The following DLG2 variants were observed in gnomAD, a reference collection of about 807,000 sequenced individuals.
DLG2 encodes discs large MAGUK scaffold protein 2.
Under a neutral mutation model 132.5 loss-of-function variants are expected in DLG2, and 45 were observed. The observed-to-expected ratio is 0.34, with a 90% confidence interval of 0.27 to 0.44. The LOEUF is 0.44. Ranked by LOEUF, DLG2 falls within the 20% of genes least tolerant of loss-of-function variation. DLG2 has a pLI of 1.00. For synonymous variants in DLG2, 424 were observed against 419.6 expected (o/e 1.01, Z -0.13); for missense variants, 1,045 against 1,196.9 (o/e 0.87, Z 1.87).
At chr11:85,051,797 AAAAGT>A (rs1373092386) in intron 6 of DLG2, among the ~76,000 whole-genome samples, 10 of 152,134 alleles carry the variant, frequency 6.6e-5, no homozygotes, top group African/African-American at 2.4e-4. Context: ...AGGGTGTGGT[AAAAGT>A]AAAGTATAAA....
At chr11:83,816,439 T>C (rs972525688) in intron 17 of DLG2, among the ~76,000 whole-genome samples, 2 of 152,168 alleles carry the variant, frequency 1.3e-5, no homozygotes, top group Non-Finnish European at 2.9e-5. Context: ...AGGATTTGTG[T>C]CAATATTTTG....
intron 6 of DLG2, among the ~76,000 whole-genome samples, chr11:85,034,970 T>C (rs1336127363): frequency 6.6e-6 from 1 of 152,178 alleles, no homozygotes; most frequent in Non-Finnish European, 1.5e-5. Flanking sequence ...TCAACCTCAA[T>C]GCACCAGCCA....
At chr11:83,805,643 C>T (rs2045708092) in intron 17 of DLG2, among the ~76,000 whole-genome samples, 1 of 152,078 alleles carries the variant, frequency 6.6e-6, no homozygotes, top group East Asian at 1.9e-4. Flanking sequence ...AACCACTCTA[C>T]TTTTCTTTAA....
At chr11:84,137,684 G>T (rs1198929623) in intron 9 of DLG2, among the ~76,000 whole-genome samples, 1 of 152,058 alleles carries the variant, frequency 6.6e-6, no homozygotes, top group African/African-American at 2.4e-5. Flanking sequence ...TCCACCATAT[G>T]GTTCAGTCTG....
intron 3 of DLG2, among the ~76,000 whole-genome samples, chr11:85,475,320 C>A (rs1242960840): frequency 1.3e-5 from 2 of 151,780 alleles, no homozygotes; most frequent in Admixed American, 6.6e-5. Flanking sequence ...TAATCTCTAC[C>A]TTCTATAAAC....
In DLG2 at chr11:84,331,765, T is replaced by C. The variant is rs1006372015; in HGVS notation, c.520-80474A>G. Among the ~76,000 whole-genome samples, 5 of 152,246 alleles carry C rather than the reference T, an allele frequency of 3.3e-5. No homozygotes were observed. The East Asian group carries it at 9.7e-4, about 29-fold the overall frequency. On this transcript the variant is annotated intron_variant, in intron 7 of 27. Transcript: ENST00000376104. ...CTGCTGGGCTAAATGAAATGTGGTA[T>C]TATACACTCAAGTGCCAAAGTGCCT...
chr11:85,402,032 A>C (rs1420844753), intron 3 of DLG2, among the ~76,000 whole-genome samples: 5 of 152,194 alleles, frequency 3.3e-5, no homozygotes, highest in African/African-American at 1.2e-4. Flanking sequence ...CCACATAGCT[A>C]AGACAATCCT....
rs560464624 is a variant in DLG2 at position 83,966,678 on chromosome 11, T to C, written c.1057-1210A>G. 3.3e-5 allele frequency among the ~76,000 whole-genome samples: 5 copies of C among 152,220 alleles called. No individual in the cohort carries two copies. In the South Asian group the frequency reaches 6.2e-4, roughly 19 times the overall value. On this transcript the variant is annotated intron_variant, in intron 12 of 27. Transcript: ENST00000376104. ...ACAGCATGATGTTATATCACACATA[T>C]AGATAATAAAGTGGTCACTATAGTG...
intron 7 of DLG2, among the ~76,000 whole-genome samples, chr11:84,459,665 C>T (rs1174276296): frequency 6.6e-6 from 1 of 150,472 alleles, no homozygotes; most frequent in Non-Finnish European, 1.5e-5. Context: ...TCATCTATAT[C>T]CTGCATAGCT....
chr11:83,659,067 C>T (rs2073536457), intron 18 of DLG2, among the ~76,000 whole-genome samples: 1 of 152,206 alleles, frequency 6.6e-6, no homozygotes, highest in Admixed American at 6.5e-5. Context: ...TCTGTACTTC[C>T]ATATCTCAGT....
intron 6 of DLG2, among the ~76,000 whole-genome samples, chr11:84,666,519 G>C (rs1333148781): frequency 1.3e-5 from 2 of 151,630 alleles, no homozygotes; most frequent in African/African-American, 2.4e-5. Context: ...CCCCATATTG[G>C]TTCTGTTTCT....
At chr11:83,590,744 C>A (rs949013017) in intron 19 of DLG2, among the ~76,000 whole-genome samples, 1 of 151,776 alleles carries the variant, frequency 6.6e-6, no homozygotes, top group Non-Finnish European at 1.5e-5. Flanking sequence ...AGACCGCTAG[C>A]AAGACTAATA....
intron 18 of DLG2, among the ~76,000 whole-genome samples, chr11:83,721,983 A>C (rs2088712806): frequency 6.6e-6 from 1 of 152,222 alleles, no homozygotes; most frequent in Non-Finnish European, 1.5e-5. Flanking sequence ...AAGGCATATA[A>C]AAAATACTTG....
At chr11:84,843,741 T>C (rs1021472256) in intron 6 of DLG2, among the ~76,000 whole-genome samples, 15 of 151,880 alleles carry the variant, frequency 9.9e-5, no homozygotes, top group Non-Finnish European at 1.8e-4. Flanking sequence ...GTTTAGGGAA[T>C]GATGACAAGA....
rs570965288 is a variant in DLG2, at chr11:84,152,084, A to T, written c.624+11377T>A. Among the ~76,000 whole-genome samples the T allele has an allele frequency of 7.1e-4, 108 of 152,286 alleles. 2 individuals carry two copies. The highest frequency in any genetic ancestry group is 6.6e-3 in the South Asian group (32 of 4,828). On this transcript the variant is annotated intron_variant, in intron 9 of 27. Coordinates refer to ENST00000376104, the MANE Select transcript of DLG2 (RefSeq NM_001142699.3). ...TCCAATTGGTCAAGTGTCTAGTTTA[A>T]GTTCATGATTCCTTTCTTAGTTTGC... is the stretch of plus-strand genomic sequence containing the variant.
intron 3 of DLG2, among the ~76,000 whole-genome samples, chr11:85,382,146 C>G (rs1237750946): frequency 6.6e-6 from 1 of 152,098 alleles, no homozygotes; most frequent in Admixed American, 6.6e-5. Context: ...GTAATCAAGA[C>G]AGCATGGTAC....
At chr11:84,170,926 C>T (rs1000722287) in intron 8 of DLG2, among the ~76,000 whole-genome samples, 3 of 152,058 alleles carry the variant, frequency 2.0e-5, no homozygotes, top group South Asian at 2.1e-4. Context: ...AACTGGCAAC[C>T]CATAATTTTG....
intron 3 of DLG2, among the ~76,000 whole-genome samples, chr11:85,291,707 C>T (rs2152771814): frequency 6.6e-6 from 1 of 152,030 alleles, no homozygotes. Flanking sequence ...GACTCAGCCT[C>T]CCAAGTAGCT....
intron 11 of DLG2, among the ~76,000 whole-genome samples, chr11:83,988,715 G>C (rs1470962369): frequency 6.6e-6 from 1 of 152,052 alleles, no homozygotes; most frequent in Non-Finnish European, 1.5e-5. Flanking sequence ...TGCTACAGCT[G>C]TTCTGCTACA....
Sources: allele counts gnomAD v4.1 joint callset (sites outside exome capture counted in the v4.1 genomes callset), GRCh38; gene constraint gnomAD v4.1.1; transcripts MANE v1.5; gene names NCBI Gene and HGNC (gene_info 2026-07-23, HGNC 2026-07-21).